The following TTC7B variants were observed in gnomAD, a reference collection of about 807,000 sequenced individuals.
TTC7B encodes the protein tetratricopeptide repeat domain 7B.
TTC7B carries 28 observed loss-of-function variants against 106.8 expected under a neutral mutation model. That is an observed-to-expected ratio of 0.26 (90% CI 0.19 to 0.36). The LOEUF (loss-of-function observed/expected upper bound fraction) is 0.36. Among genes scored for constraint, TTC7B ranks in the 10% least tolerant of loss-of-function variants. TTC7B has a pLI of 1.00. For missense variants in TTC7B, 862 were observed against 1,076.4 expected, an observed-to-expected ratio of 0.80 and a Z score of 2.79; for synonymous variants, 405 against 430.6, an observed-to-expected ratio of 0.94 and a Z score of 0.74.
At chr14:90,627,068 C>A (rs538792178) in intron 15 of TTC7B, among the ~76,000 whole-genome samples, 3 of 152,178 alleles carry the variant, frequency 2.0e-5, no homozygotes, top group East Asian at 3.9e-4. Context: ...AGACCCTCGA[C>A]CTTCCAGGGC....
At chr14:90,778,209 A>G (rs1891096611) in intron 3 of TTC7B, among the ~76,000 whole-genome samples, 1 of 152,014 alleles carries the variant, frequency 6.6e-6, no homozygotes, top group Non-Finnish European at 1.5e-5. Context: ...ACCTGCACTC[A>G]CAGAAGTCAG....
chr14:90,793,137 C>T (rs561529554), intron 1 of TTC7B, among the ~76,000 whole-genome samples: 4 of 152,234 alleles, frequency 2.6e-5, no homozygotes, highest in Non-Finnish European at 4.4e-5. Context: ...TGTTTGCCGC[C>T]TTCTGAAGAA....
chr14:90,706,662 G>A (rs748782650), intron 5 of TTC7B, among the ~76,000 whole-genome samples: 13 of 152,040 alleles, frequency 8.6e-5, no homozygotes, highest in African/African-American at 1.2e-4. Context: ...TATTTGACCC[G>A]AGTCCTTTTA....
At chr14:90,620,659 G>A (rs1251035437) in intron 15 of TTC7B, among the ~76,000 whole-genome samples, 6 of 152,262 alleles carry the variant, frequency 3.9e-5, no homozygotes, top group Non-Finnish European at 5.9e-5. Context: ...CTCCAATGGC[G>A]CCTGCCCCCA....
chr14:90,557,529 T>C (rs986336610), intron 19 of TTC7B, among the ~76,000 whole-genome samples: 11 of 152,224 alleles, frequency 7.2e-5, no homozygotes, highest in African/African-American at 2.7e-4. Flanking sequence ...TGTGTATCTG[T>C]TCTTCTAGGA....
chr14:90,732,969 A>G (rs28409346), intron 4 of TTC7B, among the ~76,000 whole-genome samples: 2,519 of 151,876 alleles, frequency 0.017, 62 homozygotes, highest in African/African-American at 0.057. Flanking sequence ...CCTTCATTAC[A>G]TTTGCCATTG....
intron 3 of TTC7B, among the ~76,000 whole-genome samples, chr14:90,763,020 A>T (rs1890550651): frequency 6.6e-6 from 1 of 152,230 alleles, no homozygotes; most frequent in African/African-American, 2.4e-5. Context: ...AAAGCAGAAA[A>T]GGAGGGAACA....
rs76937047 is a variant in TTC7B, at chr14:90,577,114, C to T, written c.2310+992G>A. On this transcript the variant is annotated intron_variant, in intron 19 of 19. Transcript: ENST00000328459. The surrounding 1 kb of genome is among the most constrained non-coding windows in gnomAD (Gnocchi z 5.0). ...TGCTAAGCCTCCACGGGTGCGGACA[C>T]GAAGGGCCCTGAGCTTTATAATAAA... Among the ~76,000 whole-genome samples, 2,166 of 152,272 alleles carry T rather than the reference C, an allele frequency of 0.014. 58 individuals are homozygous for T. Among genetic ancestry groups the T allele is most frequent in the African/African-American group, 0.049 (2,046 of 41,544 alleles).
chr14:90,660,417 AAAAAG>A (rs568271088), intron 9 of TTC7B, among the ~76,000 whole-genome samples: 8 of 119,496 alleles, frequency 6.7e-5, no homozygotes, highest in East Asian at 2.2e-4. Flanking sequence ...AAAAAAAAAA[AAAAAG>A]AAAAGAAAAG....
Position 90,535,941 on chromosome 14 carries a change from A to G in TTC7B, c.*5427T>C, listed in dbSNP as rs1267309749. On this transcript the variant is annotated 3_prime_UTR_variant, in exon 20 of 20. Transcript: ENST00000328459. ...TTCTTCTGGTGAGGACGCCAATCCT[A>G]CTGGGCCAGGGCCCCTCCTGATGAC... 1 of 152,526 alleles carries G rather than the reference A, an allele frequency of 6.6e-6. No individual in the cohort carries two copies. Among genetic ancestry groups the G allele is most frequent in the African/African-American group, 2.4e-5 (1 of 41,428 alleles). 9.4% of individuals were successfully genotyped at this position (152,526 alleles called of 1,614,324 possible). A position where few individuals can be genotyped will look rare whatever the true frequency, so the allele number is the denominator to read the frequency against.
At chr14:90,580,583 C>T (rs972371651) in intron 18 of TTC7B, among the ~76,000 whole-genome samples, 2 of 152,186 alleles carry the variant, frequency 1.3e-5, no homozygotes, top group Admixed American at 6.5e-5. Flanking sequence ...TACCGCCTCC[C>T]GGAACCCCCG....
Position 90,538,273 on chromosome 14 carries a change from TGGATGGATGGAC to T in TTC7B, c.*3083_*3094del, listed in dbSNP as rs1440626754. The T allele has an allele frequency of 2.6e-5, 4 of 151,076 alleles. No individual in the cohort carries two copies. The highest frequency in any genetic ancestry group is 9.8e-5 in the African/African-American group (4 of 40,826). 9.4% of individuals were successfully genotyped at this position (151,076 alleles called of 1,614,324 possible). A position where few individuals can be genotyped will look rare whatever the true frequency, so the allele number is the denominator to read the frequency against. On this transcript the variant is annotated 3_prime_UTR_variant, in exon 20 of 20. Transcript: ENST00000328459. ...ATGGATGGATGGATGGATGGATGGATGGATGGATGGACGGACGGACGGACGGGTGGACGGATG... is the reference window on the plus strand; with the variant it reads ...ATGGATGGATGGATGGATGGATGGATGGACGGACGGACGGGTGGACGGATG...
chr14:90,610,369 A>G (rs911998172), intron 17 of TTC7B, among the ~76,000 whole-genome samples: 5 of 152,238 alleles, frequency 3.3e-5, no homozygotes, highest in African/African-American at 1.2e-4. Context: ...TTATATGTGC[A>G]ACTGATTAGA....
chr14:90,549,617 CAG>C (rs1889989616), intron 19 of TTC7B, among the ~76,000 whole-genome samples: 1 of 152,118 alleles, frequency 6.6e-6, no homozygotes, highest in Non-Finnish European at 1.5e-5. Context: ...TGGCTGGCCA[CAG>C]GGGAGGGGCA....
intron 17 of TTC7B, among the ~76,000 whole-genome samples, chr14:90,598,616 G>T (rs1441962443): frequency 6.6e-6 from 1 of 152,220 alleles, no homozygotes; most frequent in Non-Finnish European, 1.5e-5. Context: ...GAGGTTTTCT[G>T]ACCCGTGCTC....
chr14:90,660,608 GC>G (rs1886164891), intron 9 of TTC7B, among the ~76,000 whole-genome samples: 1 of 152,108 alleles, frequency 6.6e-6, no homozygotes, highest in Non-Finnish European at 1.5e-5. Flanking sequence ...GGAGGCCAGT[GC>G]AGGAGCACAG....
At chr14:90,610,290 G>A (rs577053678) in intron 17 of TTC7B, among the ~76,000 whole-genome samples, 1 of 152,306 alleles carries the variant, frequency 6.6e-6, no homozygotes, top group South Asian at 2.1e-4. Flanking sequence ...GAAGTGCCTC[G>A]GGCTTCCACA....
chr14:90,729,752 G>A (rs12887829), intron 5 of TTC7B, among the ~76,000 whole-genome samples: 37,998 of 152,056 alleles, frequency 0.25, 5,878 homozygotes, highest in Middle Eastern at 0.38. Flanking sequence ...AAATGGGGAG[G>A]CCGATGCAGA....
intron 13 of TTC7B, among the ~76,000 whole-genome samples, chr14:90,651,132 A>G (rs954527279): frequency 6.6e-6 from 1 of 152,270 alleles, no homozygotes; most frequent in Admixed American, 6.5e-5. Context: ...TAAATTATCC[A>G]TTTACATTTA....
Sources: gnomAD v4.1 joint callset for allele counts (sites outside exome capture counted in the v4.1 genomes callset) on GRCh38, gnomAD v4.1.1 for gene constraint, Gnocchi (gnomAD v3.1) non-coding constraint, MANE v1.5 for transcripts, NCBI Gene and HGNC (gene_info 2026-07-23, HGNC 2026-07-21) for gene names.